Variants in PALM2AKAP2 observed in about 807,000 individuals in gnomAD.
PALM2AKAP2 encodes the protein PALM2 and AKAP2 fusion.
In PALM2AKAP2, 37 loss-of-function variants were observed where a neutral mutation model predicts 71.5. That is an observed-to-expected ratio of 0.52 (90% CI 0.40 to 0.68). PALM2AKAP2 has a LOEUF of 0.68. Among genes scored for constraint, PALM2AKAP2 ranks in the 30% least tolerant of loss-of-function variants. PALM2AKAP2 has a pLI of 0.00. For synonymous variants in PALM2AKAP2, 468 were observed against 478.8 expected, an observed-to-expected ratio of 0.98 and a Z score of 0.29; for missense variants, 1,224 against 1,191.8, an observed-to-expected ratio of 1.03 and a Z score of -0.40.
At chr9:109,900,150 T>G (rs1830297446) in intron 3 of PALM2AKAP2, among the ~76,000 whole-genome samples, 1 of 152,218 alleles carries the variant, frequency 6.6e-6, no homozygotes, top group South Asian at 2.1e-4. Flanking sequence ...CAGTGGGAAG[T>G]TCAGCTTTTG....
intron 1 of PALM2AKAP2, among the ~76,000 whole-genome samples, chr9:109,858,612 C>T (rs992323070): frequency 2.0e-5 from 3 of 152,070 alleles, no homozygotes; most frequent in Admixed American, 6.6e-5. Flanking sequence ...AGGCAACACA[C>T]GGAGAGGGAT....
At chr9:109,915,458 A>G (rs1768103965) in intron 3 of PALM2AKAP2, among the ~76,000 whole-genome samples, 3 of 152,302 alleles carry the variant, frequency 2.0e-5, no homozygotes, top group East Asian at 3.9e-4. Flanking sequence ...TAAAAGGGCA[A>G]GTGGTCATGG....
At chr9:109,715,449 C>T (rs1459914405) in intron 1 of PALM2AKAP2, among the ~76,000 whole-genome samples, 1 of 152,156 alleles carries the variant, frequency 6.6e-6, no homozygotes, top group Non-Finnish European at 1.5e-5. Context: ...GGCAGTCGTT[C>T]AACGTTCCCT....
intron 6 of PALM2AKAP2, among the ~76,000 whole-genome samples, chr9:109,955,410 TA>T (rs1831727682): frequency 1.3e-5 from 2 of 152,334 alleles, no homozygotes; most frequent in South Asian, 2.1e-4. Flanking sequence ...AACTTTAGGG[TA>T]TCCTGTGTTT....
At chr9:109,748,826 G>A (rs887462550) in intron 1 of PALM2AKAP2, among the ~76,000 whole-genome samples, 3 of 152,088 alleles carry the variant, frequency 2.0e-5, no homozygotes, top group Admixed American at 2.0e-4. Context: ...TTCTTCTGAG[G>A]CCTCTCTCTT....
intron 6 of PALM2AKAP2, among the ~76,000 whole-genome samples, chr9:109,939,993 G>A (rs1177269398): frequency 1.3e-5 from 2 of 152,276 alleles, no homozygotes; most frequent in Non-Finnish European, 2.9e-5. Context: ...TATCATCACT[G>A]TTATTTTTTC....
intron 1 of PALM2AKAP2, among the ~76,000 whole-genome samples, chr9:110,111,080 TTTC>T (rs1377866565): frequency 7.2e-6 from 1 of 139,200 alleles, no homozygotes; most frequent in African/African-American, 2.7e-5. Context: ...CTTTTCTTTC[TTTC>T]TTCTTTTTTT....
chr9:110,041,300 T>G lies in PALM2AKAP2; in HGVS notation c.582+25261T>G, dbSNP rs1293294800. Among the ~76,000 whole-genome samples the G allele has an allele frequency of 6.7e-3, 1,011 of 151,344 alleles. 6 individuals carry two copies. Among genetic ancestry groups the G allele is most frequent in the Non-Finnish European group, 0.012 (791 of 67,856 alleles). ...GAAGATTTTAGTTTTGAATAGTGTT[T>G]TTTTTTTTTATTAGTATACTGGTGC... is the stretch of plus-strand genomic sequence containing the variant. On this transcript the variant is annotated intron_variant, in intron 7 of 9. Coordinates refer to the PALM2AKAP2 transcript ENST00000302798.
Position 109,971,283 on chromosome 9 carries a change from C to CTTTTTT in PALM2AKAP2, c.496+39281_496+39286dup, listed in dbSNP as rs11392589. ...TCCATGTTTATCCCACTCTTAGTCC[C>CTTTTTT]TTTTTTTTTTTTTTTTTTTTTTTTT... On this transcript the variant is annotated intron_variant, in intron 6 of 9. Transcript: ENST00000302798. Among the ~76,000 whole-genome samples the CTTTTTT allele has an allele frequency of 1.9e-3, 88 of 45,674 alleles. 1 individual carries two copies. Among genetic ancestry groups the CTTTTTT allele is most frequent in the East Asian group, 6.9e-3 (13 of 1,894 alleles). The allele number at this position is 45,674 out of a possible 152,430, so 30.0% of individuals were successfully genotyped here. A position where few individuals can be genotyped will look rare whatever the true frequency, so the allele number is the denominator to read the frequency against.
At chr9:109,837,593 A>G (rs908412317) in intron 1 of PALM2AKAP2, among the ~76,000 whole-genome samples, 3 of 152,200 alleles carry the variant, frequency 2.0e-5, no homozygotes, top group South Asian at 2.1e-4. Context: ...CAAATTAGAT[A>G]AAGAGTCAAG....
chr9:109,830,858 C>T (rs1210946103), intron 1 of PALM2AKAP2, among the ~76,000 whole-genome samples: 1 of 152,176 alleles, frequency 6.6e-6, no homozygotes, highest in East Asian at 1.9e-4. Context: ...GAAGTCTACA[C>T]TAGAATCCAG....
At chr9:110,168,626 G>C (rs1243750386) in exon 4 of PALM2AKAP2, 2 of 1,084,672 alleles carry the variant, frequency 1.8e-6, no homozygotes, top group African/African-American at 1.6e-5. Context: ...ATGTAGACCA[G>C]AAGCTGCAAT....
chr9:109,850,944 G>A (rs1410648793), intron 1 of PALM2AKAP2, among the ~76,000 whole-genome samples: 2 of 152,068 alleles, frequency 1.3e-5, no homozygotes, highest in Admixed American at 6.6e-5. Context: ...TTAGGAGGCC[G>A]AGGCGGGCGG....
intron 6 of PALM2AKAP2, among the ~76,000 whole-genome samples, chr9:109,984,586 G>A (rs1832337625): frequency 6.6e-6 from 1 of 152,088 alleles, no homozygotes; most frequent in Non-Finnish European, 1.5e-5. Context: ...GCCAGGTATG[G>A]TAGCTCATGT....
chr9:109,995,918 G>A (rs924571046), intron 6 of PALM2AKAP2, among the ~76,000 whole-genome samples: 2 of 152,200 alleles, frequency 1.3e-5, no homozygotes, highest in Admixed American at 1.3e-4. Flanking sequence ...GAAGGATGAG[G>A]CAGGAAAGAT....
intron 1 of PALM2AKAP2, among the ~76,000 whole-genome samples, chr9:109,781,210 A>T (rs151285218): frequency 1.2e-3 from 183 of 152,346 alleles, no homozygotes; most frequent in African/African-American, 4.1e-3. Context: ...AGGCACTTTC[A>T]GAAAAGTGTA....
chr9:109,713,394 G>A (rs943962007), intron 1 of PALM2AKAP2, among the ~76,000 whole-genome samples: 1 of 152,100 alleles, frequency 6.6e-6, no homozygotes, highest in Non-Finnish European at 1.5e-5. Context: ...TTTTTAGATA[G>A]CACATGCATG....
In PALM2AKAP2 at chr9:109,756,267, G is replaced by A. The variant is rs542209506; in HGVS notation, c.6-24221G>A. Reference sequence around the variant, plus strand: ...TCAAAATAACAGCGTCACATTTTGTGTTTCTTTGGATATCTGTGAAATGAA... The same window carrying A: ...TCAAAATAACAGCGTCACATTTTGTATTTCTTTGGATATCTGTGAAATGAA... On this transcript the variant is annotated intron_variant, in intron 1 of 6. Transcript: ENST00000374531. Among the ~76,000 whole-genome samples, 8 of 152,206 alleles carry A rather than the reference G, an allele frequency of 5.3e-5. No homozygotes were observed. In the South Asian group the frequency reaches 1.7e-3, roughly 32 times the overall value.
At position 110,016,190 on chromosome 9, in the gene PALM2AKAP2, C is replaced by G. The variant is rs568983016; in HGVS notation, c.582+151C>G. On this transcript the variant is annotated intron_variant, in intron 7 of 9. Coordinates refer to the PALM2AKAP2 transcript ENST00000302798. ...CTGAGGTCTTAGGGAGGCAACCGTACATAAGATTTTCTGAAATTTGGGATC... is the reference window on the plus strand; with the variant it reads ...CTGAGGTCTTAGGGAGGCAACCGTAGATAAGATTTTCTGAAATTTGGGATC... 683 of 742,924 alleles carry G rather than the reference C, an allele frequency of 9.2e-4. 2 individuals are homozygous for G. The highest frequency in any genetic ancestry group is 8.6e-4 in the Admixed American group (34 of 39,722). The allele number at this position is 742,924 out of a possible 1,614,324, so 46.0% of individuals were successfully genotyped here. A position where few individuals can be genotyped will look rare whatever the true frequency, so the allele number is the denominator to read the frequency against.
Sources: allele counts gnomAD v4.1 joint callset (sites outside exome capture counted in the v4.1 genomes callset), GRCh38; gene constraint gnomAD v4.1.1; transcripts MANE v1.5; gene names NCBI Gene and HGNC (gene_info 2026-07-23, HGNC 2026-07-21).